The following MTUS2 variants were observed in gnomAD, a reference collection of about 807,000 sequenced individuals.
The protein encoded by MTUS2 is microtubule associated scaffold protein 2.
In MTUS2, 40 loss-of-function variants were observed where a neutral mutation model predicts 114.1. The observed-to-expected ratio is 0.35, with a 90% confidence interval of 0.27 to 0.46. MTUS2 has a LOEUF of 0.46. Among genes scored for constraint, MTUS2 ranks in the 20% least tolerant of loss-of-function variants. MTUS2 has a pLI of 1.00. For synonymous variants in MTUS2, 688 were observed against 672.0 expected (o/e 1.02, Z -0.37); for missense variants, 1,679 against 1,705.4 (o/e 0.98, Z 0.27).
At chr13:29,273,973 T>A (rs1378003934) in intron 5 of MTUS2, among the ~76,000 whole-genome samples, 1 of 152,238 alleles carries the variant, frequency 6.6e-6, no homozygotes, top group Non-Finnish European at 1.5e-5. Context: ...TGAATAATGT[T>A]GCTATGAACA....
chr13:29,168,791 G>C (rs760658508), intron 5 of MTUS2, among the ~76,000 whole-genome samples: 1 of 152,026 alleles, frequency 6.6e-6, no homozygotes, highest in African/African-American at 2.4e-5. Flanking sequence ...CTAAGGAGGA[G>C]GGATTTAAAC....
At chr13:29,136,843 T>C (rs549688760) in intron 5 of MTUS2, among the ~76,000 whole-genome samples, 12 of 152,326 alleles carry the variant, frequency 7.9e-5, no homozygotes, top group African/African-American at 2.6e-4. Context: ...GTCAGAAGTA[T>C]ATGTGACAAC....
At chr13:29,223,294 G>A (rs1348331003) in intron 5 of MTUS2, among the ~76,000 whole-genome samples, 11 of 152,196 alleles carry the variant, frequency 7.2e-5, no homozygotes, top group Admixed American at 6.5e-4. Flanking sequence ...GACTCAACCA[G>A]ACTGGGGCAG....
chr13:29,334,548 T>C (rs9579335), intron 7 of MTUS2, among the ~76,000 whole-genome samples: 27,359 of 152,216 alleles, frequency 0.18, 2,595 homozygotes, highest in Middle Eastern at 0.22. Flanking sequence ...TTCTGGCTGG[T>C]AGTGTTTCTG....
Position 29,505,325 on chromosome 13 carries a change from G to A in MTUS2, c.*2119G>A, listed in dbSNP as rs1883161385. The A allele has an allele frequency of 4.3e-6, 1 of 231,756 alleles. No homozygotes were observed. Among genetic ancestry groups the A allele is most frequent in the African/African-American group, 2.2e-5 (1 of 45,238 alleles). 14.4% of individuals were successfully genotyped at this position (231,756 alleles called of 1,614,324 possible). ...AGAACGTGGTACAGTGTATTAGGCT[G>A]CTGTGGTCAGAGTTGTAGCATCGTT... On this transcript the variant is annotated 3_prime_UTR_variant, in exon 16 of 16. Coordinates refer to ENST00000612955, the MANE Select transcript of MTUS2 (RefSeq NM_001033602.4).
At chr13:29,182,201 A>C (rs1242137129) in intron 5 of MTUS2, among the ~76,000 whole-genome samples, 1 of 152,170 alleles carries the variant, frequency 6.6e-6, no homozygotes, top group Non-Finnish European at 1.5e-5. Context: ...GTCATCCTTG[A>C]TTCTCTCTCT....
intron 1 of MTUS2, among the ~76,000 whole-genome samples, chr13:28,829,119 G>A (rs1394494413): frequency 2.6e-5 from 4 of 152,142 alleles, no homozygotes; most frequent in Admixed American, 6.5e-5. Context: ...AACAATCTGA[G>A]GAATATTTAT....
intron 5 of MTUS2, among the ~76,000 whole-genome samples, chr13:29,120,756 A>C (rs746370091): frequency 1.3e-5 from 2 of 152,178 alleles, no homozygotes; most frequent in Non-Finnish European, 2.9e-5. Flanking sequence ...TCCGATGTGC[A>C]TTGCAATTCC....
At chr13:28,820,778 A>T (rs575624541) in intron 1 of MTUS2, among the ~76,000 whole-genome samples, 167 bp downstream of exon 1, 2 of 152,270 alleles carry the variant, frequency 1.3e-5, no homozygotes, top group South Asian at 4.1e-4. Context: ...CTTCCTGCCC[A>T]CATCACCTGC....
chr13:28,932,619 A>G (rs1881677462), intron 2 of MTUS2, among the ~76,000 whole-genome samples: 1 of 152,136 alleles, frequency 6.6e-6, no homozygotes, highest in Non-Finnish European at 1.5e-5. Flanking sequence ...AACGGGACAG[A>G]CCTGAACCCA....
At chr13:28,990,816 C>T (rs888919642) in intron 2 of MTUS2, among the ~76,000 whole-genome samples, 1 of 151,438 alleles carries the variant, frequency 6.6e-6, no homozygotes, top group Non-Finnish European at 1.5e-5. Context: ...CTGCTGCTCA[C>T]TGTTTGGGTC....
chr13:28,874,547 C>T (rs914063150), intron 2 of MTUS2, among the ~76,000 whole-genome samples: 21 of 152,204 alleles, frequency 1.4e-4, no homozygotes, highest in African/African-American at 4.8e-4. Context: ...ATATGGCTGG[C>T]TGTTGGCTTG....
intron 5 of MTUS2, among the ~76,000 whole-genome samples, chr13:29,165,218 A>G (rs1281801775): frequency 1.3e-5 from 2 of 152,082 alleles, no homozygotes; most frequent in African/African-American, 2.4e-5. Flanking sequence ...GGGCCTTTGC[A>G]TATTCTATTC....
At chr13:29,096,255 G>T (rs1887751) in intron 4 of MTUS2, among the ~76,000 whole-genome samples, 1 of 152,038 alleles carries the variant, frequency 6.6e-6, no homozygotes, top group Admixed American at 6.5e-5. Flanking sequence ...ATCACACTAA[G>T]AATGTTTTAG....
At chr13:29,324,358 G>T (rs1900388430) in intron 6 of MTUS2, among the ~76,000 whole-genome samples, 2 of 152,112 alleles carry the variant, frequency 1.3e-5, no homozygotes, top group Non-Finnish European at 2.9e-5. Flanking sequence ...TCAGAGAAGG[G>T]GGCGTTTTTC....
chr13:29,223,740 GAGA>G (rs1895998337), intron 5 of MTUS2, among the ~76,000 whole-genome samples: 1 of 152,232 alleles, frequency 6.6e-6, no homozygotes. Flanking sequence ...TGGAGGTGAT[GAGA>G]AGGAGAGAAG....
intron 2 of MTUS2, among the ~76,000 whole-genome samples, chr13:29,009,323 G>C (rs1309055323): frequency 6.6e-6 from 1 of 150,982 alleles, no homozygotes; most frequent in Non-Finnish European, 1.5e-5. Context: ...TGACAATATG[G>C]ATGAACCTTG....
intron 2 of MTUS2, among the ~76,000 whole-genome samples, chr13:28,933,611 G>C (rs1881739115): frequency 6.6e-6 from 1 of 152,160 alleles, no homozygotes; most frequent in African/African-American, 2.4e-5. Flanking sequence ...CTCTATGATT[G>C]GGCGGGCCCA....
intron 5 of MTUS2, among the ~76,000 whole-genome samples, chr13:29,178,139 C>T (rs190631674): frequency 2.0e-5 from 3 of 152,192 alleles, no homozygotes; most frequent in East Asian, 1.9e-4. Context: ...GAATTTACAG[C>T]GAACTACCGG....
Sources: gnomAD v4.1 joint callset for allele counts (sites outside exome capture counted in the v4.1 genomes callset) on GRCh38, gnomAD v4.1.1 for gene constraint, MANE v1.5 for transcripts, NCBI Gene and HGNC (gene_info 2026-07-23, HGNC 2026-07-21) for gene names.